The following NKAIN2 variants were observed in gnomAD, a reference collection of about 807,000 sequenced individuals.
NKAIN2 encodes the protein sodium/potassium transporting ATPase interacting 2, also known as sodium/potassium-transporting ATPase subunit beta-1-interacting protein 2.
A neutral mutation model predicts 32.6 loss-of-function variants in NKAIN2; 14 were observed. That is an observed-to-expected ratio of 0.43 (90% confidence interval 0.28 to 0.67). The LOEUF (loss-of-function observed/expected upper bound fraction) is 0.67. Ranked by LOEUF, NKAIN2 falls within the 30% of genes least tolerant of loss-of-function variation. The pLI is 0.17. For synonymous variants in NKAIN2, 80 were observed against 87.2 expected, an observed-to-expected ratio of 0.92 and a Z score of 0.46; for missense variants, 198 against 258.3, an observed-to-expected ratio of 0.77 and a Z score of 1.60.
At chr6:124,033,105 A>C (rs1330700659) in intron 1 of NKAIN2, among the ~76,000 whole-genome samples, 1 of 152,142 alleles carries the variant, frequency 6.6e-6, no homozygotes, top group Non-Finnish European at 1.5e-5. Context: ...TTTAGCCAAA[A>C]TGTAGAGAAA....
chr6:124,103,015 T>C (rs918578603), intron 1 of NKAIN2, among the ~76,000 whole-genome samples: 1 of 152,186 alleles, frequency 6.6e-6, no homozygotes, highest in African/African-American at 2.4e-5. Flanking sequence ...CAGAAAACAG[T>C]AGACTGAAAA....
At chr6:123,932,709 G>T (rs992707981) in intron 1 of NKAIN2, among the ~76,000 whole-genome samples, 3 of 151,316 alleles carry the variant, frequency 2.0e-5, no homozygotes, top group Admixed American at 6.6e-5. Flanking sequence ...GAGCCACCGC[G>T]CCCAGCCTTT....
chr6:124,677,025 G>A (rs1461210009), intron 4 of NKAIN2, among the ~76,000 whole-genome samples: 2 of 152,128 alleles, frequency 1.3e-5, no homozygotes, highest in Admixed American at 1.3e-4. Flanking sequence ...CTGGAGTCCA[G>A]TGGCGTGATC....
chr6:124,340,196 A>G (rs139798487), intron 2 of NKAIN2, among the ~76,000 whole-genome samples: 1,694 of 152,334 alleles, frequency 0.011, 112 homozygotes, highest in Admixed American at 0.093. Context: ...TGAATATGTG[A>G]CAATGAGACA....
intron 1 of NKAIN2, among the ~76,000 whole-genome samples, chr6:123,996,623 A>G (rs567540765): frequency 2.0e-5 from 3 of 152,268 alleles, no homozygotes; most frequent in Non-Finnish European, 4.4e-5. Flanking sequence ...TCTTTACCAT[A>G]TTTCAGTGAT....
At chr6:123,910,038 A>T (rs1775094530) in intron 1 of NKAIN2, among the ~76,000 whole-genome samples, 1 of 152,222 alleles carries the variant, frequency 6.6e-6, no homozygotes, top group Non-Finnish European at 1.5e-5. Context: ...AATGGCTTTT[A>T]AAGAGATTTA....
At chr6:124,429,980 A>G (rs1383981617) in intron 3 of NKAIN2, among the ~76,000 whole-genome samples, 1 of 150,368 alleles carries the variant, frequency 6.7e-6, no homozygotes, top group Admixed American at 6.7e-5. Context: ...GGTAGATGAA[A>G]TGAGGCAATA....
intron 1 of NKAIN2, among the ~76,000 whole-genome samples, chr6:124,236,405 G>T (rs1792763034): frequency 6.6e-6 from 1 of 152,116 alleles, no homozygotes; most frequent in South Asian, 2.1e-4. Flanking sequence ...TTGTAATATT[G>T]ATGGAAGTGG....
chr6:124,728,168 G>C (rs1295894402), intron 4 of NKAIN2, among the ~76,000 whole-genome samples: 1 of 122,438 alleles, frequency 8.2e-6, no homozygotes, highest in Non-Finnish European at 1.7e-5. Flanking sequence ...AAGTCAACAA[G>C]GATACCCAGG....
At chr6:124,386,149 T>A (rs1018878089) in intron 3 of NKAIN2, among the ~76,000 whole-genome samples, 1 of 152,118 alleles carries the variant, frequency 6.6e-6, no homozygotes, top group African/African-American at 2.4e-5. Flanking sequence ...GCCTAATGAT[T>A]TCCCGTTGGA....
chr6:124,233,866 C>T (rs1792595912), intron 1 of NKAIN2, among the ~76,000 whole-genome samples: 1 of 152,110 alleles, frequency 6.6e-6, no homozygotes, highest in Non-Finnish European at 1.5e-5. Context: ...ACGAACATTC[C>T]AAAATCTTAC....
At position 124,760,182 on chromosome 6, in the gene NKAIN2, T is replaced by C. The variant is rs1328574061; in HGVS notation, c.475-31157T>C. On this transcript the variant is annotated intron_variant, in intron 4 of 6. Transcript: ENST00000368417. Reference sequence around the variant, plus strand: ...ACCAAACACCGCATGTTCTCACTTCTAAGTGGGAGCTAAATGATGAGAACT... The same window carrying C: ...ACCAAACACCGCATGTTCTCACTTCCAAGTGGGAGCTAAATGATGAGAACT... 2.0e-5 allele frequency among the ~76,000 whole-genome samples: 3 copies of C among 152,158 alleles called. No individual in the cohort carries two copies. The East Asian group carries it at 5.8e-4, about 30-fold the overall frequency.
chr6:124,469,027 A>T (rs1342538732), intron 3 of NKAIN2, among the ~76,000 whole-genome samples: 2 of 152,174 alleles, frequency 1.3e-5, no homozygotes, highest in Non-Finnish European at 2.9e-5. Flanking sequence ...CCCTTTGGGG[A>T]CACCCACACA....
rs529107660 is a variant in NKAIN2, at chr6:124,147,139, T to G, written c.55-135866T>G. Among the ~76,000 whole-genome samples the G allele has an allele frequency of 4.6e-5, 7 of 152,332 alleles. No homozygotes were observed. The East Asian group carries it at 1.4e-3, about 29-fold the overall frequency. On this transcript the variant is annotated intron_variant, in intron 1 of 6. Transcript: ENST00000368417. ...ATGTGCACTGCACTATTTTACCTCC[T>G]TTATTATGATAACACATTACCACAG...
intron 4 of NKAIN2, among the ~76,000 whole-genome samples, chr6:124,723,713 G>A (rs148924336): frequency 6.6e-6 from 1 of 152,140 alleles, no homozygotes; most frequent in Admixed American, 6.5e-5. Flanking sequence ...CAAGTTAAAA[G>A]GTGCTTAATG....
intron 1 of NKAIN2, among the ~76,000 whole-genome samples, chr6:124,273,383 T>C (rs116411756): frequency 0.041 from 6,262 of 152,222 alleles, 392 homozygotes; most frequent in African/African-American, 0.14. Context: ...ATGTAAGACA[T>C]GCCTTGCTTT....
chr6:123,987,919 A>G (rs955822071), intron 1 of NKAIN2, among the ~76,000 whole-genome samples: 1 of 152,194 alleles, frequency 6.6e-6, no homozygotes, highest in Non-Finnish European at 1.5e-5. Flanking sequence ...CCAAGTATGG[A>G]GATGATTATA....
Position 123,841,669 on chromosome 6 carries a change from C to T in NKAIN2, c.54+37415C>T, listed in dbSNP as rs759691720. Among the ~76,000 whole-genome samples the T allele has an allele frequency of 9.2e-5, 14 of 152,100 alleles. 2 individuals carry two copies. Among genetic ancestry groups the T allele is most frequent in the African/African-American group, 1.2e-4 (5 of 41,404 alleles). Reference sequence around the variant, plus strand: ...AAGAGAGTAATGCAACCAATGGTCACGGGAACCACTTCACCTTAACAGCTG... The same window carrying T: ...AAGAGAGTAATGCAACCAATGGTCATGGGAACCACTTCACCTTAACAGCTG... On this transcript the variant is annotated intron_variant, in intron 1 of 6. Coordinates refer to ENST00000368417, the MANE Select transcript of NKAIN2 (RefSeq NM_001040214.3).
intron 1 of NKAIN2, among the ~76,000 whole-genome samples, chr6:124,139,079 A>ATTTTTTTT (rs900247440): frequency 0.32 from 31,096 of 98,242 alleles, 5,605 homozygotes; most frequent in Non-Finnish European, 0.35. Context: ...TTAAATAAAA[A>ATTTTTTTT]TTTTTTTTTT....
Sources: allele counts gnomAD v4.1 joint callset (sites outside exome capture counted in the v4.1 genomes callset), GRCh38; gene constraint gnomAD v4.1.1; transcripts MANE v1.5; gene names NCBI Gene and HGNC (gene_info 2026-07-23, HGNC 2026-07-21).